ACTR3C: variants seen among roughly 807,000 people sequenced by gnomAD.
ACTR3C encodes actin-related protein 3C.
ACTR3C carries 18 observed loss-of-function variants against 26.3 expected under a neutral mutation model. The ratio of observed to expected loss-of-function variants is 0.68; its 90% CI spans 0.47 to 1.01. ACTR3C has a LOEUF of 1.01. ACTR3C is among the 50% of genes least tolerant of loss of function. The pLI is 0.00. For missense variants in ACTR3C, 184 were observed against 250.7 expected (o/e 0.73, Z 1.80); for synonymous variants, 55 against 94.5 (o/e 0.58, Z 2.42).
chr7:150,124,786 C>T, the ACTR3C span, among the ~76,000 whole-genome samples: 2,483 of 152,246 alleles, frequency 0.016, 67 homozygotes, highest in African/African-American at 0.057. Flanking sequence ...GTAACAGTAG[C>T]AACAAGAATG....
At chr7:150,058,465 G>C in the ACTR3C span, among the ~76,000 whole-genome samples, 1 of 152,132 alleles carries the variant, frequency 6.6e-6, no homozygotes, top group African/African-American at 2.4e-5. Flanking sequence ...AAAGTTTTCT[G>C]GGAGGCTGTG....
At chr7:150,059,971 C>A in the ACTR3C span, among the ~76,000 whole-genome samples, 1 of 151,630 alleles carries the variant, frequency 6.6e-6, no homozygotes, top group East Asian at 1.9e-4. Context: ...AATTTTGTAC[C>A]CAGAATATGT....
the ACTR3C span, among the ~76,000 whole-genome samples, chr7:149,967,360 C>G: frequency 5.3e-5 from 8 of 152,138 alleles, no homozygotes; most frequent in East Asian, 1.5e-3. Flanking sequence ...TTAGTAGAGA[C>G]AGGGTTTCAC....
At chr7:150,018,345 C>CA in the ACTR3C span, among the ~76,000 whole-genome samples, 1 of 144,554 alleles carries the variant, frequency 6.9e-6, no homozygotes, top group Non-Finnish European at 1.5e-5. Context: ...CTGGCCCAGG[C>CA]ATTTTTTTTT....
intron 3 of ACTR3C, among the ~76,000 whole-genome samples, chr7:150,291,358 G>A (rs1023763859): frequency 6.6e-6 from 1 of 152,188 alleles, no homozygotes. Context: ...GAACCTGGGA[G>A]GCAGAGGTTG....
chr7:150,295,054 C>G (rs1836619111), intron 2 of ACTR3C, among the ~76,000 whole-genome samples, 198 bp downstream of exon 2: 1 of 151,834 alleles, frequency 6.6e-6, no homozygotes, highest in Non-Finnish European at 1.5e-5. Context: ...ACGTCTATAC[C>G]AAAAAATGGC....
chr7:150,138,035 G>A, the ACTR3C span, among the ~76,000 whole-genome samples: 1 of 152,116 alleles, frequency 6.6e-6, no homozygotes, highest in African/African-American at 2.4e-5. Flanking sequence ...TACTGTGTTG[G>A]CTTCTTGACA....
At chr7:150,268,098 A>AAAGGGC (rs1834183887) in intron 6 of ACTR3C, among the ~76,000 whole-genome samples, 1 of 151,992 alleles carries the variant, frequency 6.6e-6, no homozygotes, top group African/African-American at 2.4e-5. Context: ...CGGGGACTTA[A>AAAGGGC]ATGAGAAGAA....
At chr7:150,166,438 C>T in the ACTR3C span, among the ~76,000 whole-genome samples, 2 of 150,898 alleles carry the variant, frequency 1.3e-5, no homozygotes, top group Non-Finnish European at 2.9e-5. Flanking sequence ...GTGGCTCATG[C>T]CTGTAATCCC....
chr7:150,230,710 C>A, the ACTR3C span, among the ~76,000 whole-genome samples: 4 of 152,192 alleles, frequency 2.6e-5, no homozygotes, highest in Non-Finnish European at 5.9e-5. Flanking sequence ...TCCACAAAAC[C>A]AGTCCCTAGT....
chr7:150,237,598 A>G, the ACTR3C span, among the ~76,000 whole-genome samples: 1 of 152,202 alleles, frequency 6.6e-6, no homozygotes, highest in South Asian at 2.1e-4. Context: ...CCCTGGAAGA[A>G]CTCCAAGTAC....
At chr7:150,111,941 G>T in the ACTR3C span, among the ~76,000 whole-genome samples, 1 of 151,924 alleles carries the variant, frequency 6.6e-6, no homozygotes, top group Non-Finnish European at 1.5e-5. Flanking sequence ...CCCAGCTTTC[G>T]CTGACTCCTC....
chr7:150,303,266 C>G (rs1795568262), intron 1 of ACTR3C, among the ~76,000 whole-genome samples: 1 of 152,194 alleles, frequency 6.6e-6, no homozygotes, highest in Non-Finnish European at 1.5e-5. Context: ...CCTCCTCCTT[C>G]CTGGAACACA....
At chr7:150,131,126 T>C in the ACTR3C span, among the ~76,000 whole-genome samples, 1 of 152,226 alleles carries the variant, frequency 6.6e-6, no homozygotes, top group Non-Finnish European at 1.5e-5. Context: ...AATGAATGCA[T>C]ACTGTATCTC....
the ACTR3C span, among the ~76,000 whole-genome samples, chr7:150,007,041 T>C: frequency 6.6e-6 from 1 of 152,142 alleles, no homozygotes; most frequent in East Asian, 1.9e-4. Flanking sequence ...ATTGTATGAA[T>C]TTGCAGGTCG....
At chr7:150,163,102 C>T in the ACTR3C span, among the ~76,000 whole-genome samples, 3 of 150,566 alleles carry the variant, frequency 2.0e-5, no homozygotes, top group East Asian at 5.8e-4. Context: ...TGCAGCAGGT[C>T]GAGATCACAC....
the ACTR3C span, among the ~76,000 whole-genome samples, chr7:150,183,988 C>T: frequency 1.5e-4 from 23 of 150,598 alleles, no homozygotes; most frequent in Non-Finnish European, 2.8e-4. Flanking sequence ...AGGTGTCTTC[C>T]GCCATAATTG....
the ACTR3C span, among the ~76,000 whole-genome samples, chr7:150,186,657 C>G: frequency 6.6e-6 from 1 of 152,176 alleles, no homozygotes; most frequent in Admixed American, 6.5e-5. Context: ...CTATTTTCCC[C>G]AAGGCCAATC....
At chr7:150,164,044 G>T in the ACTR3C span, among the ~76,000 whole-genome samples, 1 of 152,262 alleles carries the variant, frequency 6.6e-6, no homozygotes, top group South Asian at 2.1e-4. Flanking sequence ...CCAGGCTAGG[G>T]TATGCTGGCA....
Sources: gnomAD v4.1 joint callset for allele counts (sites outside exome capture counted in the v4.1 genomes callset) on GRCh38, gnomAD v4.1.1 for gene constraint, MANE v1.5 for transcripts, NCBI Gene and HGNC (gene_info 2026-07-23, HGNC 2026-07-21) for gene names.